Variants in ST18 observed in about 807,000 individuals in gnomAD.
The protein encoded by ST18 is ST18 C2H2C-type zinc finger transcription factor.
Under a neutral mutation model 110.0 loss-of-function variants are expected in ST18, and 50 were observed. That is an observed-to-expected ratio of 0.45 (90% CI 0.36 to 0.58). The LOEUF (loss-of-function observed/expected upper bound fraction) is 0.58. Ranked by LOEUF, ST18 falls within the 20% of genes least tolerant of loss-of-function variation. The pLI is 0.00. For missense variants in ST18, 1,306 were observed against 1,280.1 expected, an observed-to-expected ratio of 1.02 and a Z score of -0.31; for synonymous variants, 461 against 452.4, an observed-to-expected ratio of 1.02 and a Z score of -0.24.
intron 2 of ST18, among the ~76,000 whole-genome samples, chr8:52,281,931 T>C (rs1365465015): frequency 3.3e-5 from 5 of 152,176 alleles, no homozygotes; most frequent in African/African-American, 7.2e-5. Flanking sequence ...AGACTACACA[T>C]TGGGTACAAC....
intron 2 of ST18, among the ~76,000 whole-genome samples, chr8:52,276,299 C>T (rs2095262762): frequency 1.3e-5 from 2 of 148,756 alleles, no homozygotes; most frequent in Admixed American, 1.3e-4. Flanking sequence ...CACACAACCA[C>T]ATACCACACC....
At chr8:52,275,741 G>A (rs2095221207) in intron 2 of ST18, among the ~76,000 whole-genome samples, 1 of 152,098 alleles carries the variant, frequency 6.6e-6, no homozygotes, top group African/African-American at 2.4e-5. Context: ...CCCTGTTCAT[G>A]AGTAAATCTG....
intron 2 of ST18, among the ~76,000 whole-genome samples, chr8:52,335,962 C>T (rs1221612626): frequency 2.0e-5 from 3 of 152,066 alleles, no homozygotes; most frequent in African/African-American, 7.2e-5. Context: ...TCTGTGGCCC[C>T]CATCTGTCTC....
At chr8:52,167,238 T>A (rs1356801103) in intron 10 of ST18, among the ~76,000 whole-genome samples, 1 of 152,208 alleles carries the variant, frequency 6.6e-6, no homozygotes. Context: ...TGGTTTTAAG[T>A]CGTCAAGTCA....
intron 2 of ST18, among the ~76,000 whole-genome samples, chr8:52,298,680 T>C (rs1030858215): frequency 4.6e-5 from 7 of 152,264 alleles, no homozygotes; most frequent in African/African-American, 1.4e-4. Context: ...CACGAAACTA[T>C]ATGAAATTAT....
intron 2 of ST18, among the ~76,000 whole-genome samples, chr8:52,332,154 T>C (rs2140084090): frequency 6.6e-6 from 1 of 152,246 alleles, no homozygotes; most frequent in Middle Eastern, 3.4e-3. Flanking sequence ...TGTTACCAGT[T>C]ATATATTAAA....
intron 2 of ST18, among the ~76,000 whole-genome samples, chr8:52,231,050 T>C (rs1163886255): frequency 6.6e-6 from 1 of 152,182 alleles, no homozygotes; most frequent in East Asian, 1.9e-4. Flanking sequence ...GAAAAGTGAA[T>C]TAGAAAATTG....
chr8:52,117,333 T>TG (rs2042917674), intron 24 of ST18, among the ~76,000 whole-genome samples: 1 of 152,200 alleles, frequency 6.6e-6, no homozygotes, highest in Non-Finnish European at 1.5e-5. Flanking sequence ...TTCTTCTTCC[T>TG]GGGGGCTGGT....
chr8:52,211,208 T>C (rs1188614455), intron 8 of ST18, among the ~76,000 whole-genome samples: 1 of 152,044 alleles, frequency 6.6e-6, no homozygotes, highest in Admixed American at 6.5e-5. Context: ...GAAAATCTAA[T>C]TAGAATTTAT....
intron 2 of ST18, among the ~76,000 whole-genome samples, chr8:52,327,998 G>A (rs1426362413): frequency 2.0e-5 from 3 of 152,162 alleles, no homozygotes; most frequent in Non-Finnish European, 4.4e-5. Flanking sequence ...ATCCCATCTG[G>A]AAAATGGGAG....
At chr8:52,204,646 A>G (rs2079273695) in intron 8 of ST18, among the ~76,000 whole-genome samples, 1 of 152,250 alleles carries the variant, frequency 6.6e-6, no homozygotes, top group African/African-American at 2.4e-5. Context: ...CAAAGGAAAT[A>G]TTCATCCCTC....
chr8:52,235,528 A>C (rs745412612), intron 2 of ST18, among the ~76,000 whole-genome samples: 33 of 152,220 alleles, frequency 2.2e-4, no homozygotes, highest in Admixed American at 2.1e-3. Flanking sequence ...GATGCCCCTG[A>C]CCCTGTGATT....
chr8:52,123,673 C>G (rs959069753), intron 23 of ST18, among the ~76,000 whole-genome samples: 5 of 152,222 alleles, frequency 3.3e-5, no homozygotes, highest in Non-Finnish European at 5.9e-5. Flanking sequence ...CGCTGCTGCT[C>G]TATATTCTTT....
chr8:52,375,808 G>A (rs546580759), intron 2 of ST18, among the ~76,000 whole-genome samples: 3 of 152,074 alleles, frequency 2.0e-5, no homozygotes, highest in South Asian at 2.1e-4. Flanking sequence ...CAACACACCC[G>A]GACTGAGCCG....
chr8:52,161,674 C>A (rs1189857912), intron 13 of ST18, 106 bp from the exon 14 acceptor site: 4 of 1,252,092 alleles, frequency 3.2e-6, no homozygotes, highest in African/African-American at 1.5e-5. Context: ...TGAAGGTATC[C>A]ACAGAGACAC....
chr8:52,336,538 G>A (rs10092401), intron 2 of ST18, among the ~76,000 whole-genome samples: 3,796 of 152,174 alleles, frequency 0.025, 130 homozygotes, highest in African/African-American at 0.08. Context: ...TCCCATAGTC[G>A]GGAAGAAAGG....
At chr8:52,337,223 G>A (rs1476486202) in intron 2 of ST18, among the ~76,000 whole-genome samples, 1 of 152,128 alleles carries the variant, frequency 6.6e-6, no homozygotes, top group Non-Finnish European at 1.5e-5. Context: ...TGTGACATTT[G>A]CCATAAGAAA....
chr8:52,253,142 TTA>T (rs2094396406), intron 2 of ST18, among the ~76,000 whole-genome samples: 1 of 152,016 alleles, frequency 6.6e-6, no homozygotes, highest in Non-Finnish European at 1.5e-5. Flanking sequence ...AAAATTAAGA[TTA>T]TAGAAGTTAC....
chr8:52,133,660 T>C (rs1459645843), intron 19 of ST18, among the ~76,000 whole-genome samples: 1 of 151,316 alleles, frequency 6.6e-6, no homozygotes, highest in Non-Finnish European at 1.5e-5. Flanking sequence ...TGGGCTTCTG[T>C]CTACATCATG....
Sources: allele counts gnomAD v4.1 joint callset (sites outside exome capture counted in the v4.1 genomes callset), GRCh38; gene constraint gnomAD v4.1.1; transcripts MANE v1.5; gene names NCBI Gene and HGNC (gene_info 2026-07-23, HGNC 2026-07-21).